NAV3: variants seen among roughly 807,000 people sequenced by gnomAD.
NAV3 encodes neuron navigator 3.
NAV3 carries 87 observed loss-of-function variants against 244.7 expected under a neutral mutation model. The ratio of observed to expected loss-of-function variants is 0.36; its 90% confidence interval spans 0.30 to 0.42. NAV3 has a LOEUF of 0.42. Ranked by LOEUF, NAV3 falls within the 20% of genes least tolerant of loss-of-function variation. The pLI, the probability that NAV3 is intolerant of heterozygous loss-of-function variation, is 1.00. For synonymous variants in NAV3, 1,126 were observed against 1,042.2 expected (o/e 1.08, Z -1.55); for missense variants, 2,663 against 2,893.3 (o/e 0.92, Z 1.83).
At chr12:77,726,346 T>C (rs1241491571) in intron 2 of NAV3, among the ~76,000 whole-genome samples, 5 of 151,952 alleles carry the variant, frequency 3.3e-5, no homozygotes, top group South Asian at 2.1e-4. Flanking sequence ...TCACCTAACA[T>C]TGGCCACTTA....
intron 2 of NAV3, among the ~76,000 whole-genome samples, chr12:77,579,434 G>A (rs1348675195): frequency 6.6e-6 from 1 of 152,228 alleles, no homozygotes; most frequent in Admixed American, 6.5e-5. Context: ...ATGCTGGCAA[G>A]TCCAGTGCTG....
At chr12:77,656,851 A>C (rs1049032834) in intron 2 of NAV3, among the ~76,000 whole-genome samples, 1 of 152,022 alleles carries the variant, frequency 6.6e-6, no homozygotes, top group Non-Finnish European at 1.5e-5. Context: ...CCTGCTCCTG[A>C]ATGACTACTG....
At chr12:77,848,011 T>C (rs1026706985) in intron 1 of NAV3, among the ~76,000 whole-genome samples, 1 of 152,218 alleles carries the variant, frequency 6.6e-6, no homozygotes, top group African/African-American at 2.4e-5. Context: ...GATGTGTTGC[T>C]ACTCTCTCCA....
chr12:78,203,101 G>A (rs80320430), intron 38 of NAV3, among the ~76,000 whole-genome samples: 12,491 of 152,078 alleles, frequency 0.082, 664 homozygotes, highest in Non-Finnish European at 0.13. Flanking sequence ...TTTTCTGGTG[G>A]ATTCTTTCTT....
intron 1 of NAV3, among the ~76,000 whole-genome samples, chr12:77,875,423 T>A (rs1160895927): frequency 6.6e-6 from 1 of 152,094 alleles, no homozygotes; most frequent in African/African-American, 2.4e-5. Flanking sequence ...ATGTTCTTTA[T>A]TGTATTTAAT....
chr12:78,176,756 G>A (rs1456225769), intron 26 of NAV3, among the ~76,000 whole-genome samples: 2 of 152,038 alleles, frequency 1.3e-5, no homozygotes, highest in African/African-American at 4.8e-5. Context: ...TGCTTTTTAA[G>A]TTTGTACTGT....
At chr12:77,953,976 TC>T (rs1891133059) in intron 3 of NAV3, among the ~76,000 whole-genome samples, 1 of 152,160 alleles carries the variant, frequency 6.6e-6, no homozygotes, top group Non-Finnish European at 1.5e-5. Flanking sequence ...TGGGCTGGAA[TC>T]AAGGTGTCAG....
Position 77,817,942 on chromosome 12 carries a change from C to G in NAV3, c.73-122377C>G, listed in dbSNP as rs76535167. Among the ~76,000 whole-genome samples, 40 of 152,196 alleles carry G rather than the reference C, an allele frequency of 2.6e-4. No homozygotes were observed. The East Asian group carries it at 7.7e-3, about 29-fold the overall frequency. On this transcript the variant is annotated intron_variant, in intron 2 of 8. Coordinates refer to the NAV3 transcript ENST00000550042. ...AAGGAAAATGTCTGCCTCTCTAGAA[C>G]TTGATTTTGCCACTAGTTACTTTGT... is the stretch of plus-strand genomic sequence containing the variant.
At chr12:77,699,636 C>T (rs907401325) in intron 2 of NAV3, among the ~76,000 whole-genome samples, 1 of 151,968 alleles carries the variant, frequency 6.6e-6, no homozygotes, top group African/African-American at 2.4e-5. Flanking sequence ...TCAGGCTGGG[C>T]TCATCTGGAA....
At chr12:77,886,630 T>G (rs762582098) in intron 1 of NAV3, among the ~76,000 whole-genome samples, 2 of 152,176 alleles carry the variant, frequency 1.3e-5, no homozygotes, top group Non-Finnish European at 2.9e-5. Context: ...TTCCTGATAT[T>G]CTTGCATTTA....
At chr12:77,840,773 G>A (rs375177056) in intron 1 of NAV3, among the ~76,000 whole-genome samples, 9 of 152,198 alleles carry the variant, frequency 5.9e-5, no homozygotes, top group African/African-American at 2.2e-4. Context: ...GAGATGCTAG[G>A]GCAGAGCTGG....
At chr12:77,625,774 AT>A (rs1163560729) in intron 2 of NAV3, among the ~76,000 whole-genome samples, 9 of 152,332 alleles carry the variant, frequency 5.9e-5, no homozygotes, top group Middle Eastern at 3.4e-3. Context: ...AACCAACACT[AT>A]AGATAAATCT....
chr12:77,901,387 A>G (rs1478522967), intron 1 of NAV3, among the ~76,000 whole-genome samples: 2 of 152,122 alleles, frequency 1.3e-5, no homozygotes, highest in African/African-American at 4.8e-5. Context: ...ATCCACCTTG[A>G]GTTGATTTTT....
At chr12:77,641,705 C>G (rs1383366511) in intron 2 of NAV3, among the ~76,000 whole-genome samples, 1 of 151,900 alleles carries the variant, frequency 6.6e-6, no homozygotes, top group Non-Finnish European at 1.5e-5. Context: ...AGGTATTTTC[C>G]ATTATACATA....
At chr12:77,746,384 T>A (rs1019309797) in intron 2 of NAV3, among the ~76,000 whole-genome samples, 1 of 152,118 alleles carries the variant, frequency 6.6e-6, no homozygotes, top group Non-Finnish European at 1.5e-5. Flanking sequence ...AAGCTGCACC[T>A]GTTTCGTATA....
chr12:78,033,663 A>G (rs893052501), intron 9 of NAV3, among the ~76,000 whole-genome samples: 18 of 152,182 alleles, frequency 1.2e-4, no homozygotes, highest in Admixed American at 2.6e-4. Context: ...CCACAAGTTA[A>G]TAACAATATC....
chr12:78,013,859 A>G (rs988670141), intron 8 of NAV3, among the ~76,000 whole-genome samples: 1 of 151,942 alleles, frequency 6.6e-6, no homozygotes, highest in Non-Finnish European at 1.5e-5. Flanking sequence ...GGAGAACCAC[A>G]TAGTTTTTTC....
chr12:77,648,402 A>G (rs913985120), intron 2 of NAV3, among the ~76,000 whole-genome samples: 9 of 152,140 alleles, frequency 5.9e-5, no homozygotes, highest in Non-Finnish European at 1.0e-4. Flanking sequence ...TGTCAAAAAT[A>G]TCAAAGGTAG....
At chr12:78,089,388 A>G (rs1274563185) in intron 12 of NAV3, among the ~76,000 whole-genome samples, 1 of 152,174 alleles carries the variant, frequency 6.6e-6, no homozygotes, top group African/African-American at 2.4e-5. Context: ...TAGCATATTA[A>G]GAGAACCACA....
Sources: gnomAD v4.1 joint callset for allele counts (sites outside exome capture counted in the v4.1 genomes callset) on GRCh38, gnomAD v4.1.1 for gene constraint, MANE v1.5 for transcripts, NCBI Gene and HGNC (gene_info 2026-07-23, HGNC 2026-07-21) for gene names.